DPP6: variants seen among roughly 807,000 people sequenced by gnomAD.
DPP6 encodes A-type potassium channel modulatory protein DPP6.
DPP6 carries 69 observed loss-of-function variants against 122.6 expected under a neutral mutation model. The ratio of observed to expected loss-of-function variants is 0.56; its 90% CI spans 0.46 to 0.69. The LOEUF (loss-of-function observed/expected upper bound fraction) is 0.69, where lower values mean the gene tolerates loss of function less well. Among genes scored for constraint, DPP6 ranks in the 30% least tolerant of loss-of-function variants. The pLI is 0.00. For missense variants in DPP6, 928 were observed against 1,116.9 expected, an observed-to-expected ratio of 0.83 and a Z score of 2.41; for synonymous variants, 418 against 433.1, an observed-to-expected ratio of 0.97 and a Z score of 0.43.
At chr7:154,495,713 C>T (rs1191378313) in intron 3 of DPP6, among the ~76,000 whole-genome samples, 1 of 152,090 alleles carries the variant, frequency 6.6e-6, no homozygotes. Flanking sequence ...TAATGAGTCA[C>T]TTTCTACATA....
At chr7:154,492,242 A>G (rs192419795) in intron 3 of DPP6, among the ~76,000 whole-genome samples, 1 of 152,308 alleles carries the variant, frequency 6.6e-6, no homozygotes, top group East Asian at 1.9e-4. Context: ...CACCTTGTAT[A>G]GCACCCAGGA....
chr7:154,248,160 C>T (rs896628412), intron 1 of DPP6, among the ~76,000 whole-genome samples: 2 of 152,056 alleles, frequency 1.3e-5, no homozygotes, highest in African/African-American at 2.4e-5. Flanking sequence ...CACAAAGGCT[C>T]CCCCTCCTTG....
intron 10 of DPP6, among the ~76,000 whole-genome samples, chr7:154,789,609 C>T (rs1414409082): frequency 6.6e-6 from 1 of 152,196 alleles, no homozygotes; most frequent in Non-Finnish European, 1.5e-5. Flanking sequence ...TAGTAAAGGT[C>T]TCCCTCTGCC....
At chr7:154,861,983 A>AAGGATTATTTTCAATGATCTATTGAT (rs1803446121) in intron 17 of DPP6, among the ~76,000 whole-genome samples, 1 of 152,174 alleles carries the variant, frequency 6.6e-6, no homozygotes, top group South Asian at 2.1e-4. Flanking sequence ...CTCTGTCATT[A>AAGGATTATTTTCAATGATCTATTGAT]AGGATTATTT....
At chr7:154,012,822 G>T (rs890930657) in intron 1 of DPP6, among the ~76,000 whole-genome samples, 7 of 152,208 alleles carry the variant, frequency 4.6e-5, no homozygotes, top group Non-Finnish European at 1.0e-4. Context: ...TTAATTGAAT[G>T]TAGAACATTA....
chr7:153,815,672 G>T, the DPP6 span, among the ~76,000 whole-genome samples: 1 of 152,084 alleles, frequency 6.6e-6, no homozygotes, highest in Non-Finnish European at 1.5e-5. Flanking sequence ...TTAGTCCTTT[G>T]TCAGAAAAAG....
intron 6 of DPP6, among the ~76,000 whole-genome samples, chr7:154,661,898 C>T (rs1184141372): frequency 2.0e-5 from 3 of 147,732 alleles, no homozygotes; most frequent in East Asian, 2.1e-4. Context: ...GCATATTGGC[C>T]GTAGTGTTCA....
chr7:154,566,934 C>T lies in DPP6; in HGVS notation c.627+18C>T, dbSNP rs370869411. On this transcript the variant is annotated intron_variant, in intron 5 of 25. Transcript: ENST00000377770. Reference sequence around the variant, plus strand: ...TGGAACCCGTGAGTATTATCCTTTACTGCCTACAAAATAATTGTTTCTTTA... The same window carrying T: ...TGGAACCCGTGAGTATTATCCTTTATTGCCTACAAAATAATTGTTTCTTTA... The T allele has an allele frequency of 8.4e-5, 131 of 1,556,242 alleles. No homozygotes were observed. Among genetic ancestry groups the T allele is most frequent in the South Asian group, 1.1e-4 (10 of 88,934 alleles).
chr7:154,111,715 C>G (rs949877900), intron 1 of DPP6, among the ~76,000 whole-genome samples: 7 of 151,250 alleles, frequency 4.6e-5, no homozygotes, highest in African/African-American at 1.7e-4. Flanking sequence ...GATCTATAAT[C>G]TCTTTGTCTT....
At chr7:153,870,145 CGAG>C in the DPP6 span, among the ~76,000 whole-genome samples, 1 of 152,068 alleles carries the variant, frequency 6.6e-6, no homozygotes, top group Non-Finnish European at 1.5e-5. Flanking sequence ...TTGCTCTTCT[CGAG>C]GAGCATCTTT....
At chr7:154,798,229 G>A (rs566497926) in intron 12 of DPP6, among the ~76,000 whole-genome samples, 54 of 152,340 alleles carry the variant, frequency 3.5e-4, no homozygotes, top group African/African-American at 1.2e-3. Flanking sequence ...CCCATGGGGG[G>A]CCGTGGTTCT....
At position 153,945,957 on chromosome 7, in the gene DPP6, G is replaced by A. The variant is rs569061112; in HGVS notation, c.51+58223G>A. ...AGTGGAGCACACTGGAATGTGTGTGGCCACCTTCTGAGGGTTCATGAAAAA... is the reference window on the plus strand; with the variant it reads ...AGTGGAGCACACTGGAATGTGTGTGACCACCTTCTGAGGGTTCATGAAAAA... On this transcript the variant is annotated intron_variant, in intron 1 of 25. Transcript: ENST00000404039. Among the ~76,000 whole-genome samples the A allele has an allele frequency of 9.9e-5, 15 of 152,272 alleles. No individual in the cohort carries two copies. In the South Asian group the frequency reaches 2.5e-3, roughly 25 times the overall value.
intron 1 of DPP6, among the ~76,000 whole-genome samples, chr7:154,437,387 G>A (rs1353439215): frequency 1.3e-5 from 2 of 152,126 alleles, no homozygotes; most frequent in East Asian, 3.9e-4. Flanking sequence ...CATCCTCTTT[G>A]AGACCCGTGA....
chr7:154,074,992 A>G (rs568244344), intron 1 of DPP6, among the ~76,000 whole-genome samples: 16 of 151,726 alleles, frequency 1.1e-4, no homozygotes, highest in Admixed American at 2.6e-4. Flanking sequence ...AAGTGGGCTA[A>G]GGACATGAAT....
chr7:154,172,605 C>CTTT (rs539600568), intron 1 of DPP6, among the ~76,000 whole-genome samples: 2 of 137,410 alleles, frequency 1.5e-5, no homozygotes, highest in African/African-American at 5.5e-5. Flanking sequence ...CTTTTTTTTT[C>CTTT]TTTTTTTTTT....
At chr7:154,131,018 C>T (rs768642312) in intron 1 of DPP6, among the ~76,000 whole-genome samples, 6 of 152,056 alleles carry the variant, frequency 3.9e-5, no homozygotes, top group Non-Finnish European at 7.4e-5. Context: ...ATTCAGAAGC[C>T]GGAGCCAAGG....
intron 1 of DPP6, among the ~76,000 whole-genome samples, chr7:154,264,989 A>ATGATGGTGATCATGATGATGGTGT: frequency 5.6e-5 from 1 of 18,004 alleles, no homozygotes; most frequent in Admixed American, 5.6e-4. Flanking sequence ...GATGATGGTG[A>ATGATGGTGATCATGATGATGGTGT]TAATGGTGAT....
intron 8 of DPP6, among the ~76,000 whole-genome samples, chr7:154,748,606 G>A (rs1009896054): frequency 6.6e-6 from 1 of 152,234 alleles, no homozygotes; most frequent in Admixed American, 6.5e-5. Context: ...CCTGGTGTGT[G>A]GTGCTGGACG....
At chr7:153,780,720 G>GT in the DPP6 span, among the ~76,000 whole-genome samples, 1 of 152,114 alleles carries the variant, frequency 6.6e-6, no homozygotes, top group Non-Finnish European at 1.5e-5. Context: ...TGGGCTGCTG[G>GT]TAAGAAGAAT....
Sources: gnomAD v4.1 joint callset for allele counts (sites outside exome capture counted in the v4.1 genomes callset) on GRCh38, gnomAD v4.1.1 for gene constraint, MANE v1.5 for transcripts, NCBI Gene and HGNC (gene_info 2026-07-23, HGNC 2026-07-21) for gene names.